Variants in ILDR2 observed in about 807,000 individuals in gnomAD.
The protein encoded by ILDR2 is immunoglobulin like domain containing receptor 2, also known as immunoglobulin-like domain-containing receptor 2.
In ILDR2, 25 loss-of-function variants were observed where a neutral mutation model predicts 66.8. The ratio of observed to expected loss-of-function variants is 0.37; its 90% CI spans 0.27 to 0.52. ILDR2 has a LOEUF of 0.52. Among genes scored for constraint, ILDR2 ranks in the 20% least tolerant of loss-of-function variants. ILDR2 has a pLI of 0.88. For synonymous variants in ILDR2, 367 were observed against 357.2 expected, an observed-to-expected ratio of 1.03 and a Z score of -0.31; for missense variants, 827 against 876.8, an observed-to-expected ratio of 0.94 and a Z score of 0.72.
chr1:166,904,902 C>A (rs1241210879), downstream of ILDR2, among the ~76,000 whole-genome samples: 1 of 152,216 alleles, frequency 6.6e-6, no homozygotes, highest in East Asian at 1.9e-4. Context: ...TTGTATTTTC[C>A]TCCCCTGGTT....
At chr1:166,897,733 A>T (rs1659196589) in intron 2 of ILDR2, among the ~76,000 whole-genome samples, 1 of 152,206 alleles carries the variant, frequency 6.6e-6, no homozygotes, top group South Asian at 2.1e-4. Context: ...ACACATTCTG[A>T]GGACAGAGAA....
chr1:166,902,291 G>T (rs1397109617), intron 2 of ILDR2, among the ~76,000 whole-genome samples: 1 of 152,226 alleles, frequency 6.6e-6, no homozygotes, highest in Non-Finnish European at 1.5e-5. Context: ...AAGCTAAAGT[G>T]CATAACATAA....
At chr1:166,959,814 G>C (rs1662504738) in intron 1 of ILDR2, among the ~76,000 whole-genome samples, 1 of 152,116 alleles carries the variant, frequency 6.6e-6, no homozygotes, top group African/African-American at 2.4e-5. Flanking sequence ...GTTAGAAGCA[G>C]AAATAGAAAT....
Position 166,975,404 on chromosome 1 carries a change from G to A in ILDR2, c.-136C>T. On this transcript the variant is annotated 5_prime_UTR_variant, in exon 1 of 10. Coordinates refer to ENST00000271417, the MANE Select transcript of ILDR2 (RefSeq NM_199351.3). ...GGCGTCCCTGGGCGCAGCGCCCGCC[G>A]GGCCGGCCGCGCAGGCGGGGCCGGG... 4 of 298,024 alleles carry A rather than the reference G, an allele frequency of 1.3e-5. No individual in the cohort carries two copies. The highest frequency in any genetic ancestry group is 2.0e-5 in the Non-Finnish European group (4 of 202,316). The allele number at this position is 298,024 out of a possible 1,614,324, so 18.5% of individuals were successfully genotyped here. A position where few individuals can be genotyped will look rare whatever the true frequency, so the allele number is the denominator to read the frequency against.
In ILDR2 at chr1:166,909,116, C is replaced by T. The variant is rs1011669182; in HGVS notation, c.*10239G>A. ...ATAAACAGACTTGCCACATCTCTGG[C>T]CACATGATTAGCTCAGATATGGGCA... On this transcript the variant is annotated 3_prime_UTR_variant, in exon 10 of 10. Transcript: ENST00000271417. The T allele has an allele frequency of 2.0e-5, 3 of 152,178 alleles. No individual in the cohort carries two copies. Among genetic ancestry groups the T allele is most frequent in the African/African-American group, 7.2e-5 (3 of 41,430 alleles). 9.4% of individuals were successfully genotyped at this position (152,178 alleles called of 1,614,324 possible).
chr1:166,958,173 CTTTCCA>C (rs1662394997), intron 1 of ILDR2, 72 bp from the exon 2 acceptor site: 1 of 1,264,600 alleles, frequency 7.9e-7, no homozygotes, highest in African/African-American at 1.5e-5. Context: ...ATGATCACAC[CTTTCCA>C]TTTCACTTCC....
rs745960847 is a variant in ILDR2, at chr1:166,919,241, A to C, written c.*114T>G. ...ATCCCTTGCCAAAGCAGAGATCAGCAAATCTTCCAAGGTGATGGCCAGAGA... is the reference window on the plus strand; with the variant it reads ...ATCCCTTGCCAAAGCAGAGATCAGCCAATCTTCCAAGGTGATGGCCAGAGA... On this transcript the variant is annotated 3_prime_UTR_variant, in exon 10 of 10. Coordinates refer to ENST00000271417, the MANE Select transcript of ILDR2 (RefSeq NM_199351.3). The C allele has an allele frequency of 7.0e-6, 7 of 1,003,286 alleles. No homozygotes were observed. The highest frequency in any genetic ancestry group is 1.1e-5 in the Non-Finnish European group (7 of 653,108). The allele number at this position is 1,003,286 out of a possible 1,614,324, so 62.1% of individuals were successfully genotyped here.
At chr1:166,931,032 GC>G (rs1457975291) in intron 6 of ILDR2, among the ~76,000 whole-genome samples, 1 of 152,104 alleles carries the variant, frequency 6.6e-6, no homozygotes, top group Non-Finnish European at 1.5e-5. Context: ...GTTCAGTCTG[GC>G]CCAAGTCATT....
chr1:166,907,631 T>A (rs1416738942), downstream of ILDR2, among the ~76,000 whole-genome samples: 3 of 152,366 alleles, frequency 2.0e-5, no homozygotes, highest in East Asian at 5.8e-4. Context: ...AAGTTTAGTA[T>A]CATGGGTAAT....
intron 6 of ILDR2, among the ~76,000 whole-genome samples, chr1:166,929,281 T>C (rs1422133609): frequency 6.6e-6 from 1 of 152,248 alleles, no homozygotes; most frequent in Non-Finnish European, 1.5e-5. Flanking sequence ...TATCAGGAGC[T>C]GCTCAAATGC....
At position 166,920,720 on chromosome 1, in the gene ILDR2, G is replaced by A; in HGVS notation, c.1871C>T (p.Pro624Leu). The change falls in exon 9 of 10, where the codon CCC (proline) becomes CTC (leucine). Residue 624 changes from proline (P) to leucine (L), a missense_variant. Coordinates refer to ENST00000271417, the MANE Select transcript of ILDR2 (RefSeq NM_199351.3). ...SNSEKKRKKE[P>L]AKKTNDFPTR... ...ACGCAGTCTCACGGTTTTCTTGGCG[G>A]GCTCCTTTTTCCTCTTCTTCTCCGA... The A allele has an allele frequency of 2.1e-6, 3 of 1,424,172 alleles. No homozygotes were observed. The highest frequency in any genetic ancestry group is 1.6e-5 in the South Asian group (1 of 63,190). The allele number at this position is 1,424,172 out of a possible 1,614,324, so 88.2% of individuals were successfully genotyped here.
chr1:166,943,819 T>A (rs1290043064), intron 3 of ILDR2: 30 of 985,010 alleles, frequency 3.0e-5, no homozygotes, highest in African/African-American at 7.0e-5. Flanking sequence ...AGTTTAAGAG[T>A]GGCAATTACA....
At chr1:166,919,796 A>C (rs1165976397) in intron 9 of ILDR2, among the ~76,000 whole-genome samples, 2 of 152,240 alleles carry the variant, frequency 1.3e-5, no homozygotes, top group African/African-American at 2.4e-5. Context: ...TAATTGTGTC[A>C]AAATCTTTTT....
intron 6 of ILDR2, among the ~76,000 whole-genome samples, chr1:166,929,814 G>A (rs1571126183): frequency 6.6e-6 from 1 of 152,160 alleles, no homozygotes; most frequent in Admixed American, 6.5e-5. Flanking sequence ...GGCCATATGG[G>A]CGGTTTATTG....
intron 1 of ILDR2, among the ~76,000 whole-genome samples, chr1:166,973,006 A>G (rs933344082): frequency 6.6e-6 from 1 of 151,884 alleles, no homozygotes; most frequent in African/African-American, 2.4e-5. Flanking sequence ...TTGCTCCTCT[A>G]CTTTGCTGAG....
At position 166,921,132 on chromosome 1, in the gene ILDR2, G is replaced by A; in HGVS notation, c.1459C>T (p.Pro487Ser). The A allele has an allele frequency of 1.3e-6, 2 of 1,530,074 alleles. No individual in the cohort carries two copies. The highest frequency in any genetic ancestry group is 2.5e-5 in the East Asian group (1 of 40,462). 94.8% of individuals were successfully genotyped at this position (1,530,074 alleles called of 1,614,324 possible). The change falls in exon 9 of 10, where the codon CCC (proline) becomes TCC (serine). Residue 487 changes from proline (P) to serine (S), a missense_variant. Transcript: ENST00000271417. This position sits in a 1 kb window ranked among gnomAD's most constrained non-coding sequence, Gnocchi z 5.3. ...CAGCCGCGGTCAGCATCGGTCAGGG[G>A]CTCGCGGCTGCGGCTGCGCTGACCG... The part of the protein sequence containing the change: ...YYGQRSRSRE[P>S]LTDADRGWAF...
In ILDR2 at chr1:166,920,766, C is replaced by G. The variant is rs773945385; in HGVS notation, c.1825G>C (p.Asp609His). ...LTRGPSYRGR[D>H]LPYHSNSEKK... ...TCCGAGTTGCTGTGGTAGGGCAGGT[C>G]GCGGCCGCGGTAGGACGGGCCGCGG... The change falls in exon 9 of 10, where the codon GAC becomes CAC. Residue 609 changes from aspartate (D) to histidine (H), a missense_variant. Physicochemically the swap from Asp to His is moderately conservative, Grantham distance 81. Around this residue, in one of 2 missense-constraint regions of ILDR2, gnomAD observed 390 missense variants for 353.6 expected, o/e 1.10. Coordinates refer to ENST00000271417, the MANE Select transcript of ILDR2 (RefSeq NM_199351.3). 1.7e-5 allele frequency: 25 copies of G among 1,491,704 alleles called. No homozygotes were observed. In the African/African-American group the frequency reaches 3.4e-4, roughly 20 times the overall value. 92.4% of individuals were successfully genotyped at this position (1,491,704 alleles called of 1,614,324 possible).
intron 7 of ILDR2, among the ~76,000 whole-genome samples, chr1:166,926,466 C>T (rs1302414269): frequency 6.6e-6 from 1 of 151,998 alleles, no homozygotes; most frequent in East Asian, 2.0e-4. Flanking sequence ...TGTTGTTTGG[C>T]ATCTTCGAGG....
chr1:166,974,530 C>CTGCAAAT (rs1663480995), intron 1 of ILDR2, among the ~76,000 whole-genome samples: 1 of 152,208 alleles, frequency 6.6e-6, no homozygotes, highest in African/African-American at 2.4e-5. Flanking sequence ...CTAAATCTCT[C>CTGCAAAT]TGCAAATTAT....
Sources: gnomAD v4.1 joint callset for allele counts (sites outside exome capture counted in the v4.1 genomes callset) on GRCh38, gnomAD v4.1.1 for gene constraint, gnomAD v4.1.1 regional missense constraint, Gnocchi (gnomAD v3.1) non-coding constraint, MANE v1.5 for transcripts, NCBI Gene and HGNC (gene_info 2026-07-23, HGNC 2026-07-21) for gene names.